GRIP2: variants seen among roughly 807,000 people sequenced by gnomAD.
GRIP2 encodes the protein glutamate receptor interacting protein 2.
In GRIP2, 58 loss-of-function variants were observed where a neutral mutation model predicts 108.3. The observed-to-expected ratio is 0.54, with a 90% CI of 0.43 to 0.67. The LOEUF (loss-of-function observed/expected upper bound fraction) is 0.67. Ranked by LOEUF, GRIP2 falls within the 30% of genes least tolerant of loss-of-function variation. The pLI, the probability that GRIP2 is intolerant of heterozygous loss-of-function variation, is 0.00. For missense variants in GRIP2, 1,278 were observed against 1,430.6 expected, an observed-to-expected ratio of 0.89 and a Z score of 1.72; for synonymous variants, 586 against 598.2, an observed-to-expected ratio of 0.98 and a Z score of 0.30.
the GRIP2 span, among the ~76,000 whole-genome samples, chr3:14,576,923 C>T: frequency 2.0e-5 from 3 of 152,236 alleles, no homozygotes; most frequent in South Asian, 2.1e-4. Flanking sequence ...AGCTTTTCCA[C>T]TTTCAGTCTT....
At chr3:14,588,282 C>G in the GRIP2 span, among the ~76,000 whole-genome samples, 1 of 152,194 alleles carries the variant, frequency 6.6e-6, no homozygotes, top group Non-Finnish European at 1.5e-5. Flanking sequence ...AACAAAAGAA[C>G]AGCAAAAAGC....
chr3:14,590,094 A>T, the GRIP2 span, among the ~76,000 whole-genome samples: 1 of 152,154 alleles, frequency 6.6e-6, no homozygotes, highest in Non-Finnish European at 1.5e-5. Context: ...ACCCAGCTAA[A>T]CACCACGAAT....
chr3:14,601,539 A>T, the GRIP2 span, among the ~76,000 whole-genome samples: 1 of 152,206 alleles, frequency 6.6e-6, no homozygotes, highest in Non-Finnish European at 1.5e-5. Context: ...TCAGGCGAGG[A>T]GTGGAGGGTC....
the GRIP2 span, among the ~76,000 whole-genome samples, chr3:14,601,737 T>C: frequency 4.6e-5 from 7 of 152,082 alleles, no homozygotes; most frequent in Non-Finnish European, 1.0e-4. Context: ...GGACCAGCTC[T>C]CTCCGTCTTC....
chr3:14,555,927 G>A, exon 1 of GRIP2: 1 of 399,630 alleles, frequency 2.5e-6, no homozygotes, highest in East Asian at 3.6e-5. Flanking sequence ...ACCACGCCCA[G>A]CCGCCACTTG....
At chr3:14,568,046 T>A in the GRIP2 span, among the ~76,000 whole-genome samples, 1 of 151,848 alleles carries the variant, frequency 6.6e-6, no homozygotes, top group African/African-American at 2.4e-5. Context: ...TGAAGCTGAG[T>A]GATGGACGGA....
At chr3:14,581,181 G>A in the GRIP2 span, among the ~76,000 whole-genome samples, 1 of 152,178 alleles carries the variant, frequency 6.6e-6, no homozygotes, top group East Asian at 1.9e-4. Flanking sequence ...CTCTTTCTGT[G>A]GAGAACTCTG....
chr3:14,580,127 G>C, the GRIP2 span, among the ~76,000 whole-genome samples: 2 of 152,174 alleles, frequency 1.3e-5, no homozygotes, highest in African/African-American at 4.8e-5. Context: ...TGGGGCAGGG[G>C]CTGGGTCTGG....
intron 17 of GRIP2, among the ~76,000 whole-genome samples, chr3:14,509,608 G>C (rs1054504522): frequency 1.3e-5 from 2 of 152,248 alleles, no homozygotes; most frequent in African/African-American, 4.8e-5. Flanking sequence ...AGGTCTGCTG[G>C]GGTGTGGGCC....
At chr3:14,572,481 G>A in the GRIP2 span, among the ~76,000 whole-genome samples, 7 of 150,940 alleles carry the variant, frequency 4.6e-5, no homozygotes, top group East Asian at 1.9e-4. Context: ...GCGTGGTGGC[G>A]GGCGCCTGTA....
the GRIP2 span, among the ~76,000 whole-genome samples, chr3:14,585,032 T>C: frequency 6.6e-6 from 1 of 152,204 alleles, no homozygotes. Flanking sequence ...TGTTTTTTGT[T>C]GTGGTTTTTT....
the GRIP2 span, among the ~76,000 whole-genome samples, chr3:14,599,853 A>T: frequency 6.6e-6 from 1 of 152,006 alleles, no homozygotes; most frequent in Admixed American, 6.6e-5. Context: ...TGGATCACAC[A>T]CAAACACAGT....
Position 14,507,703 on chromosome 3 carries a change from G to A in GRIP2, c.2079-3C>T. 1 of 1,613,402 alleles carries A rather than the reference G, an allele frequency of 6.2e-7. No homozygotes were observed. The highest frequency in any genetic ancestry group is 8.5e-7 in the Non-Finnish European group (1 of 1,179,338). ...CCCCCACGTGGATGGCACCAGTCCT[G>A]AGGAGTGGATGCAGGGCAGAGAATG... On this transcript the variant is annotated splice_region_variant and splice_polypyrimidine_tract_variant and intron_variant, in intron 17 of 23. Transcript: ENST00000621039. The surrounding 1 kb of genome is among the most constrained non-coding windows in gnomAD (Gnocchi z 4.6).
intron 1 of GRIP2, chr3:14,555,779 C>A (rs1695228208): frequency 5.0e-6 from 2 of 399,374 alleles, no homozygotes; most frequent in African/African-American, 2.1e-5. Flanking sequence ...AGAGATGCAG[C>A]AGAGAAACCC....
Position 14,522,694 on chromosome 3 carries a change from AC to A in GRIP2, c.566+305del. On this transcript the variant is annotated intron_variant, in intron 6 of 23. Coordinates refer to ENST00000621039, the MANE Select transcript of GRIP2 (RefSeq NM_001080423.4). The surrounding 1 kb of genome is among the most constrained non-coding windows in gnomAD (Gnocchi z 4.3). The stretch of plus-strand genomic sequence containing the variant: ...AAATCTCTCATAGCAACTCTTAGGG[AC>A]CATTCCACAGACGGGAAAACCAAGG... 2.7e-6 allele frequency: 1 copy of A among 370,132 alleles called. No homozygotes were observed. Among genetic ancestry groups the A allele is most frequent in the Non-Finnish European group, 5.0e-6 (1 of 199,650 alleles). The allele number at this position is 370,132 out of a possible 1,614,324, so 22.9% of individuals were successfully genotyped here.
chr3:14,506,571 C>T (rs927838171), intron 19 of GRIP2, among the ~76,000 whole-genome samples: 1 of 152,220 alleles, frequency 6.6e-6, no homozygotes, highest in Non-Finnish European at 1.5e-5. Context: ...AGCATGGGAC[C>T]CATGGTTCTA....
At chr3:14,547,044 T>C (rs7642438), upstream of GRIP2, among the ~76,000 whole-genome samples, 51,848 of 151,986 alleles carry the variant, frequency 0.34, 9,005 homozygotes, top group East Asian at 0.41. Context: ...TGGGACTCCA[T>C]CCTAGGGTAG....
rs1694061759 is a variant in GRIP2, at chr3:14,510,618, T to C, written c.1933+547A>G. 2.0e-5 allele frequency among the ~76,000 whole-genome samples: 3 copies of C among 152,146 alleles called. No homozygotes were observed. In the South Asian group the frequency reaches 6.2e-4, roughly 32 times the overall value. Reference sequence around the variant, plus strand: ...AAGAAAAGAAATCTACCTCCCACAGTAACCTTCTTTCACAGAGTCGGAGTT... The same window carrying C: ...AAGAAAAGAAATCTACCTCCCACAGCAACCTTCTTTCACAGAGTCGGAGTT... On this transcript the variant is annotated intron_variant, in intron 16 of 23. Transcript: ENST00000621039.
At chr3:14,570,778 C>A in the GRIP2 span, among the ~76,000 whole-genome samples, 1 of 152,222 alleles carries the variant, frequency 6.6e-6, no homozygotes, top group Admixed American at 6.5e-5. Context: ...CTGCTTTTAC[C>A]GGAGCTACCC....
Sources: gnomAD v4.1 joint callset for allele counts (sites outside exome capture counted in the v4.1 genomes callset) on GRCh38, gnomAD v4.1.1 for gene constraint, Gnocchi (gnomAD v3.1) non-coding constraint, MANE v1.5 for transcripts, NCBI Gene and HGNC (gene_info 2026-07-23, HGNC 2026-07-21) for gene names.